FYN: variants seen among roughly 807,000 people sequenced by gnomAD.
FYN encodes the protein tyrosine-protein kinase Fyn.
In FYN, 10 loss-of-function variants were observed where a neutral mutation model predicts 70.2. The ratio of observed to expected loss-of-function variants is 0.14; its 90% CI spans 0.09 to 0.24. The LOEUF is 0.24. Among genes scored for constraint, FYN ranks in the 10% least tolerant of loss-of-function variants. The pLI is 1.00. For synonymous variants in FYN, 236 were observed against 248.6 expected (o/e 0.95, Z 0.48); for missense variants, 319 against 673.1 (o/e 0.47, Z 5.82).
In FYN at chr6:111,672,239, G is replaced by C. The variant is rs1037216230; in HGVS notation, c.1405+2260C>G. Among the ~76,000 whole-genome samples, 10 of 152,134 alleles carry C rather than the reference G, an allele frequency of 6.6e-5. 1 individual carries two copies. Among genetic ancestry groups the C allele is most frequent in the African/African-American group, 2.2e-4 (9 of 41,490 alleles). The stretch of plus-strand genomic sequence containing the variant: ...CTTGGGATGCTCTTCCCGCCTTCTG[G>C]GCTTGAGGAAACCTACTTGGCTTCC... On this transcript the variant is annotated intron_variant, in intron 13 of 13. Coordinates refer to ENST00000354650, the MANE Select transcript of FYN (RefSeq NM_002037.5).
chr6:111,780,200 C>T (rs775366474), intron 3 of FYN, among the ~76,000 whole-genome samples: 84 of 152,160 alleles, frequency 5.5e-4, no homozygotes, highest in Admixed American at 2.6e-3. Context: ...ATATGGGTCA[C>T]ACGGATCTCT....
At chr6:111,872,250 G>A (rs1291300772) in intron 1 of FYN, among the ~76,000 whole-genome samples, 1 of 151,984 alleles carries the variant, frequency 6.6e-6, no homozygotes, top group Non-Finnish European at 1.5e-5. Flanking sequence ...ACAGAGGGGA[G>A]GAGCCCAAAC....
At position 111,678,108 on chromosome 6, in the gene FYN, ATGTGTGTGTGTGTGTGTG is replaced by A. The variant is rs57015847; in HGVS notation, c.1274-3496_1274-3479del. 4.8e-3 allele frequency among the ~76,000 whole-genome samples: 455 copies of A among 94,020 alleles called. 6 individuals carry two copies. Among genetic ancestry groups the A allele is most frequent in the African/African-American group, 0.013 (428 of 33,896 alleles). 61.7% of individuals were successfully genotyped at this position (94,020 alleles called of 152,430 possible). On this transcript the variant is annotated intron_variant, in intron 12 of 13. Transcript: ENST00000354650. ...TAAGCCAATACACGAAGGCCATAAT[ATGTGTGTGTGTGTGTGTG>A]TGTGTGTGTGTGTGTGTGTGTGTGG... is the stretch of plus-strand genomic sequence containing the variant.
intron 12 of FYN, among the ~76,000 whole-genome samples, chr6:111,683,692 A>G (rs981261863): frequency 4.0e-5 from 6 of 151,404 alleles, no homozygotes; most frequent in African/African-American, 1.5e-4. Flanking sequence ...ATAGTATGCA[A>G]TAATTCAACT....
intron 4 of FYN, among the ~76,000 whole-genome samples, chr6:111,717,990 G>GA (rs1271794133): frequency 1.1e-4 from 17 of 152,192 alleles, no homozygotes; most frequent in African/African-American, 2.9e-4. Flanking sequence ...TGAAAGGTAA[G>GA]AAAAGAGATT....
At chr6:111,713,018 T>TA (rs906818202) in intron 5 of FYN, among the ~76,000 whole-genome samples, 6 of 152,156 alleles carry the variant, frequency 3.9e-5, no homozygotes, top group Non-Finnish European at 7.4e-5. Flanking sequence ...AACAAAAAGT[T>TA]AAAAAAACAC....
At chr6:111,778,961 C>T (rs970595683) in intron 3 of FYN, among the ~76,000 whole-genome samples, 1 of 151,820 alleles carries the variant, frequency 6.6e-6, no homozygotes, top group East Asian at 1.9e-4. Context: ...GCATAAATAC[C>T]ACCAGCACTA....
At chr6:111,786,211 C>T (rs1030256427) in intron 2 of FYN, among the ~76,000 whole-genome samples, 3 of 152,054 alleles carry the variant, frequency 2.0e-5, no homozygotes, top group Middle Eastern at 3.2e-3. Flanking sequence ...CCTCTCTCCT[C>T]CCCACAACCC....
intron 2 of FYN, among the ~76,000 whole-genome samples, chr6:111,821,936 T>C (rs1486276276): frequency 1.3e-5 from 2 of 151,086 alleles, no homozygotes; most frequent in African/African-American, 4.9e-5. Flanking sequence ...TGAGATACCA[T>C]CTCACACCAG....
At chr6:111,704,862 A>G (rs1184468819) in intron 6 of FYN, among the ~76,000 whole-genome samples, 1 of 151,954 alleles carries the variant, frequency 6.6e-6, no homozygotes, top group Non-Finnish European at 1.5e-5. Context: ...GGAGATGGAG[A>G]CAATGCTGGC....
intron 3 of FYN, among the ~76,000 whole-genome samples, chr6:111,731,438 C>T (rs1192782765): frequency 2.0e-5 from 3 of 152,170 alleles, no homozygotes; most frequent in Non-Finnish European, 4.4e-5. Flanking sequence ...ATCTACCAGC[C>T]TGAGAATTTG....
At chr6:111,706,186 T>C (rs1380473286) in intron 6 of FYN, among the ~76,000 whole-genome samples, 1 of 152,204 alleles carries the variant, frequency 6.6e-6, no homozygotes, top group Non-Finnish European at 1.5e-5. Context: ...TAACCAAGCC[T>C]GGCAATTAGT....
chr6:111,836,045 G>A (rs906304688), intron 2 of FYN, among the ~76,000 whole-genome samples: 4 of 152,226 alleles, frequency 2.6e-5, no homozygotes, highest in Admixed American at 2.6e-4. Context: ...TACCCTCCAT[G>A]CAGGATTCTG....
Position 111,707,055 on chromosome 6 carries a change from T to C in FYN, c.443+867A>G, listed in dbSNP as rs545907418. Among the ~76,000 whole-genome samples the C allele has an allele frequency of 2.3e-4, 35 of 152,278 alleles. 1 individual carries two copies. The South Asian group carries it at 7.2e-3, about 32-fold the overall frequency. The stretch of plus-strand genomic sequence containing the variant: ...ATCCCTCTTGCACTACTTAAACAAA[T>C]CCATGGTGAAATTAAATAGCAGAGC... On this transcript the variant is annotated intron_variant, in intron 6 of 13. Transcript: ENST00000354650.
intron 1 of FYN, among the ~76,000 whole-genome samples, chr6:111,862,731 ATTGAAT>A (rs1056739601): frequency 6.6e-6 from 1 of 152,208 alleles, no homozygotes; most frequent in African/African-American, 2.4e-5. Flanking sequence ...AATTTCTCAT[ATTGAAT>A]TTAACTAACA....
chr6:111,730,004 C>G lies in FYN; in HGVS notation c.-11-9942G>C, dbSNP rs79670139. 1.1e-3 allele frequency among the ~76,000 whole-genome samples: 166 copies of G among 152,258 alleles called. 4 individuals carry two copies. The East Asian group carries it at 0.024, about 22-fold the overall frequency. Reference sequence around the variant, plus strand: ...ATTTGTATGTAAGTTGAAACAACTACACATTGATGAAGTATACTTTGTCAA... The same window carrying G: ...ATTTGTATGTAAGTTGAAACAACTAGACATTGATGAAGTATACTTTGTCAA... On this transcript the variant is annotated intron_variant, in intron 3 of 13. Coordinates refer to ENST00000354650, the MANE Select transcript of FYN (RefSeq NM_002037.5).
chr6:111,813,482 T>A (rs1272358198), intron 2 of FYN, among the ~76,000 whole-genome samples: 11 of 152,218 alleles, frequency 7.2e-5, no homozygotes, highest in Admixed American at 7.2e-4. Flanking sequence ...CAAATCCCAA[T>A]AAATGAAATC....
At chr6:111,803,884 T>C (rs2114258291) in intron 2 of FYN, among the ~76,000 whole-genome samples, 1 of 152,276 alleles carries the variant, frequency 6.6e-6, no homozygotes, top group Non-Finnish European at 1.5e-5. Flanking sequence ...ATGGGATATT[T>C]TGCTTTCCAA....
chr6:111,782,595 T>C (rs534807239), intron 2 of FYN, among the ~76,000 whole-genome samples: 13 of 152,310 alleles, frequency 8.5e-5, no homozygotes, highest in South Asian at 4.1e-4. Context: ...GGGAACAGAC[T>C]AGCTGTTCAA....
Sources: gnomAD v4.1 joint callset for allele counts (sites outside exome capture counted in the v4.1 genomes callset) on GRCh38, gnomAD v4.1.1 for gene constraint, MANE v1.5 for transcripts, NCBI Gene and HGNC (gene_info 2026-07-23, HGNC 2026-07-21) for gene names.